The following PBRM1 variants were observed in gnomAD, a reference collection of about 807,000 sequenced individuals.
PBRM1 encodes the protein protein polybromo-1.
In PBRM1, 27 loss-of-function variants were observed where a neutral mutation model predicts 194.5. That is an observed-to-expected ratio of 0.14 (90% CI 0.10 to 0.19). The LOEUF (loss-of-function observed/expected upper bound fraction) is 0.19. Among genes scored for constraint, PBRM1 ranks in the 10% least tolerant of loss-of-function variants. The probability of loss-of-function intolerance (pLI) is 1.00; values close to 1 mark genes in which losing one functional copy is unlikely to be tolerated. For missense variants in PBRM1, 1,466 were observed against 2,077.2 expected (o/e 0.71, Z 5.72); for synonymous variants, 655 against 693.2 (o/e 0.94, Z 0.87).
chr3:52,668,725 G>C, intron 2 of PBRM1, 80 bp from the exon 4 acceptor site: 1 of 580,178 alleles, frequency 1.7e-6, no homozygotes, highest in East Asian at 5.1e-5. Context: ...TTATGGTAAT[G>C]TTCAACATTC....
At chr3:52,601,655 A>G (rs1222491706) in intron 17 of PBRM1, among the ~76,000 whole-genome samples, 1 of 151,960 alleles carries the variant, frequency 6.6e-6, no homozygotes, top group Non-Finnish European at 1.5e-5. Context: ...TGGGCTGTCA[A>G]GGGGGCCATG....
chr3:52,592,113 CT>C (rs2093137814), intron 17 of PBRM1, among the ~76,000 whole-genome samples: 1 of 148,362 alleles, frequency 6.7e-6, no homozygotes, highest in African/African-American at 2.5e-5. Context: ...GTGTGAGCCA[CT>C]GCACCAGGTT....
chr3:52,661,514 C>T (rs993443635), intron 4 of PBRM1, among the ~76,000 whole-genome samples: 1 of 151,960 alleles, frequency 6.6e-6, no homozygotes, highest in Admixed American at 6.6e-5. Flanking sequence ...TGAAGACAAC[C>T]CTGTGATGAC....
intron 24 of PBRM1, among the ~76,000 whole-genome samples, chr3:52,562,298 G>A (rs2153502440): frequency 6.8e-6 from 1 of 146,076 alleles, no homozygotes; most frequent in Admixed American, 7.0e-5. Flanking sequence ...CTGCACTCCA[G>A]CCTGGGCGAC....
intron 11 of PBRM1, among the ~76,000 whole-genome samples, chr3:52,631,591 T>G (rs766240027): frequency 1.3e-5 from 2 of 152,114 alleles, no homozygotes; most frequent in African/African-American, 4.8e-5. Context: ...TGCAGCAGCA[T>G]GATCTTGGCT....
Position 52,629,137 on chromosome 3 carries a change from CTT to C in PBRM1, c.1302-104_1302-103del, listed in dbSNP as rs2095537921. ...AATCTTGACAAGCACTACATGGTAT[CTT>C]TACTGGTAATACTGATTAGGAACTT... On this transcript the variant is annotated intron_variant, in intron 11 of 29. Coordinates refer to ENST00000296302, the Ensembl canonical transcript of PBRM1. 4.8e-6 allele frequency: 4 copies of C among 836,402 alleles called. No homozygotes were observed. The East Asian group carries it at 1.1e-4, about 22-fold the overall frequency. 51.8% of individuals were successfully genotyped at this position (836,402 alleles called of 1,614,324 possible). A position where few individuals can be genotyped will look rare whatever the true frequency, so the allele number is the denominator to read the frequency against.
At chr3:52,574,502 C>T (rs755389816) in intron 22 of PBRM1, among the ~76,000 whole-genome samples, 1 of 152,158 alleles carries the variant, frequency 6.6e-6, no homozygotes, top group Non-Finnish European at 1.5e-5. Context: ...TCAGGACCAA[C>T]AGTAGATATG....
chr3:52,623,171 T>A (rs1279219045), intron 13 of PBRM1, among the ~76,000 whole-genome samples: 2 of 152,126 alleles, frequency 1.3e-5, no homozygotes, highest in Non-Finnish European at 2.9e-5. Flanking sequence ...GCCTATAGTC[T>A]CAACTACTCA....
intron 3 of PBRM1, among the ~76,000 whole-genome samples, chr3:52,662,501 A>C (rs2096744568): frequency 6.6e-6 from 1 of 152,156 alleles, no homozygotes; most frequent in African/African-American, 2.4e-5. Context: ...TTAAAGAAAG[A>C]CTTGAGGCAG....
At chr3:52,557,911 G>C (rs1296871021) in intron 26 of PBRM1, among the ~76,000 whole-genome samples, 1 of 152,144 alleles carries the variant, frequency 6.6e-6, no homozygotes, top group African/African-American at 2.4e-5. Flanking sequence ...TTTTCTCTTG[G>C]GAGTCCCTCT....
At chr3:52,628,400 A>G (rs1485485444) in intron 12 of PBRM1, among the ~76,000 whole-genome samples, 1 of 149,288 alleles carries the variant, frequency 6.7e-6, no homozygotes, top group Non-Finnish European at 1.5e-5. Flanking sequence ...TTGAGGATGA[A>G]ATACATAATA....
intron 5 of PBRM1, among the ~76,000 whole-genome samples, 168 bp from the exon 7 acceptor site, chr3:52,651,978 A>G (rs1374897026): frequency 1.3e-5 from 2 of 152,272 alleles, no homozygotes; most frequent in Non-Finnish European, 2.9e-5. Context: ...AGAACCATAA[A>G]GAATTTAATC....
intron 22 of PBRM1, among the ~76,000 whole-genome samples, 164 bp downstream of exon 24, chr3:52,576,377 A>G (rs2089599403): frequency 6.6e-6 from 1 of 152,108 alleles, no homozygotes; most frequent in Non-Finnish European, 1.5e-5. Flanking sequence ...TTTATTTTTT[A>G]ATTTATCGAC....
intron 1 of PBRM1, among the ~76,000 whole-genome samples, chr3:52,679,186 G>T (rs184371518): frequency 1.7e-4 from 26 of 152,214 alleles, no homozygotes; most frequent in Admixed American, 3.3e-4. Context: ...TTTCTTCTTA[G>T]CACTTATTAC....
exon 29 of PBRM1, chr3:52,550,606 G>A (rs1559796714): frequency 1.3e-6 from 2 of 1,531,188 alleles, no homozygotes; most frequent in East Asian, 2.3e-5. Flanking sequence ...TGGAGGTGGT[G>A]CCTGCTGCCC....
chr3:52,626,629 A>G (rs866773462), intron 13 of PBRM1, among the ~76,000 whole-genome samples: 31 of 152,182 alleles, frequency 2.0e-4, no homozygotes, highest in Non-Finnish European at 2.6e-4. Flanking sequence ...TAATATTGCA[A>G]AATTCCTTAT....
chr3:52,556,464 G>C (rs144243446), intron 26 of PBRM1, among the ~76,000 whole-genome samples: 1 of 152,100 alleles, frequency 6.6e-6, no homozygotes, highest in African/African-American at 2.4e-5. Context: ...TTAAGTAGGC[G>C]GGAAATTTAA....
chr3:52,558,186 GAGAAAAAAAAAATGAAGGAATTT>G, intron 26 of PBRM1, 40 bp downstream of exon 28: 1 of 1,266,502 alleles, frequency 7.9e-7, no homozygotes, highest in Non-Finnish European at 1.1e-6. Flanking sequence ...CTCCTTATTG[GAGAAAAAAAAAATGAAGGAATTT>G]CTTAAAGTGG....
chr3:52,602,197 G>A (rs1193741819), intron 17 of PBRM1, among the ~76,000 whole-genome samples: 1 of 152,180 alleles, frequency 6.6e-6, no homozygotes, highest in Non-Finnish European at 1.5e-5. Context: ...TCATCAATTT[G>A]AGAGGTTTTC....
Sources: allele counts gnomAD v4.1 joint callset (sites outside exome capture counted in the v4.1 genomes callset), GRCh38; gene constraint gnomAD v4.1.1; transcripts MANE v1.5; gene names NCBI Gene and HGNC (gene_info 2026-07-23, HGNC 2026-07-21).